The following MAN2A1 variants were observed in gnomAD, a reference collection of about 807,000 sequenced individuals.
MAN2A1 encodes mannosidase alpha class 2A member 1, also known as alpha-mannosidase 2.
In MAN2A1, 76 loss-of-function variants were observed where a neutral mutation model predicts 142.6. That is an observed-to-expected ratio of 0.53 (90% confidence interval 0.44 to 0.65). The LOEUF is 0.65. MAN2A1 is among the 30% of genes least tolerant of loss of function. The pLI, the probability that MAN2A1 is intolerant of heterozygous loss-of-function variation, is 0.00. For missense variants in MAN2A1, 1,311 were observed against 1,365.1 expected (o/e 0.96, Z 0.62); for synonymous variants, 559 against 473.2 (o/e 1.18, Z -2.35).
Position 109,716,135 on chromosome 5 carries a change from A to G in MAN2A1, c.406A>G (p.Ser136Gly), listed in dbSNP as rs747680862. 10 of 1,604,522 alleles carry G rather than the reference A, an allele frequency of 6.2e-6. No homozygotes were observed. The highest frequency in any genetic ancestry group is 3.4e-5 in the Admixed American group (2 of 58,710). ...ACATTTTTAGATGTTGGATGTTTAC[A>G]GTCTAATTTCTTTTGACAATCCAGA... ...NSDVQMLDVY[S>G]LISFDNPDGG... is the part of the protein sequence containing the mutation. The change falls in exon 3 of 22, where the codon AGT (serine) becomes GGT (glycine). Residue 136 changes from serine (S) to glycine (G), a missense_variant. Physicochemically the swap from Ser to Gly is moderately conservative, Grantham distance 56. Around this residue, in one of 3 missense-constraint regions of MAN2A1, gnomAD observed 409 missense variants for 412.7 expected, o/e 0.99. Coordinates refer to ENST00000261483, the MANE Select transcript of MAN2A1 (RefSeq NM_002372.4).
chr5:109,860,994 T>A (rs1471030762), intron 20 of MAN2A1, among the ~76,000 whole-genome samples: 1 of 152,194 alleles, frequency 6.6e-6, no homozygotes, highest in Non-Finnish European at 1.5e-5. Flanking sequence ...CCTGGCTAGG[T>A]ATCTATGAGC....
chr5:109,695,312 A>T (rs1007306109), intron 1 of MAN2A1, among the ~76,000 whole-genome samples: 3 of 152,164 alleles, frequency 2.0e-5, no homozygotes, highest in African/African-American at 7.2e-5. Context: ...AGATGTCACA[A>T]TTGTATTATT....
In MAN2A1 at chr5:109,690,406, C is replaced by G; in HGVS notation, c.-12C>G. On this transcript the variant is annotated 5_prime_UTR_variant, in exon 1 of 22. Transcript: ENST00000261483. ...TGAGGAGAGTGTCCTGGCCCCGAGT[C>G]TATCGAGGAAAATGAAGTTAAGCCG... is the stretch of plus-strand genomic sequence containing the variant. 6.2e-7 allele frequency: 1 copy of G among 1,613,988 alleles called. No individual in the cohort carries two copies. Among genetic ancestry groups the G allele is most frequent in the Non-Finnish European group, 8.5e-7 (1 of 1,179,850 alleles).
At chr5:109,760,650 C>T (rs1349010467) in intron 5 of MAN2A1, among the ~76,000 whole-genome samples, 1 of 152,100 alleles carries the variant, frequency 6.6e-6, no homozygotes, top group East Asian at 1.9e-4. Context: ...GTTGTTTCCT[C>T]ACTTTTTAAT....
chr5:109,752,478 A>G (rs1033154159), intron 4 of MAN2A1, among the ~76,000 whole-genome samples: 10 of 152,228 alleles, frequency 6.6e-5, no homozygotes, highest in Non-Finnish European at 1.3e-4. Flanking sequence ...ATTCTAGTCC[A>G]TGCTCTCTTG....
intron 16 of MAN2A1, among the ~76,000 whole-genome samples, chr5:109,832,989 G>C (rs947871301): frequency 2.6e-5 from 4 of 151,806 alleles, no homozygotes; most frequent in African/African-American, 4.8e-5. Flanking sequence ...TCAGTTCCCA[G>C]ATGGGGTCAC....
At chr5:109,833,877 T>G (rs1447079721) in intron 16 of MAN2A1, among the ~76,000 whole-genome samples, 1 of 152,210 alleles carries the variant, frequency 6.6e-6, no homozygotes, top group Non-Finnish European at 1.5e-5. Flanking sequence ...TCAATTTTGG[T>G]GAAAGCAAGC....
chr5:109,845,785 G>T (rs1168036919), intron 17 of MAN2A1, 80 bp from the exon 18 acceptor site: 11 of 1,120,188 alleles, frequency 9.8e-6, no homozygotes, highest in East Asian at 2.7e-5. Context: ...CTCTTGGGAA[G>T]AAAAATCACC....
chr5:109,739,349 G>A (rs1417870822), intron 4 of MAN2A1, among the ~76,000 whole-genome samples: 4 of 151,954 alleles, frequency 2.6e-5, no homozygotes, highest in African/African-American at 9.7e-5. Flanking sequence ...TAGCTTATGT[G>A]TTCTGTACTT....
At chr5:109,774,020 G>T (rs1449274805) in intron 7 of MAN2A1, among the ~76,000 whole-genome samples, 2 of 152,080 alleles carry the variant, frequency 1.3e-5, no homozygotes, top group Admixed American at 6.6e-5. Flanking sequence ...CCCTAATTCA[G>T]TGATTTCCAA....
intron 16 of MAN2A1, chr5:109,840,460 A>C: frequency 2.1e-6 from 1 of 479,740 alleles, no homozygotes; most frequent in Non-Finnish European, 4.2e-6. Context: ...TGCTGCAACC[A>C]CTGAAGTCAT....
At chr5:109,746,982 T>C (rs1752426252) in intron 4 of MAN2A1, among the ~76,000 whole-genome samples, 1 of 152,248 alleles carries the variant, frequency 6.6e-6, no homozygotes, top group African/African-American at 2.4e-5. Flanking sequence ...CCCCTGTATG[T>C]ATTGAAAGTA....
At chr5:109,693,989 C>T (rs1248158764) in intron 1 of MAN2A1, among the ~76,000 whole-genome samples, 1 of 152,168 alleles carries the variant, frequency 6.6e-6, no homozygotes. Flanking sequence ...GTTAAGGTCT[C>T]CCTGAAATTA....
chr5:109,782,673 T>G lies in MAN2A1; in HGVS notation c.1577+1075T>G, dbSNP rs1753493088. The stretch of plus-strand genomic sequence containing the variant: ...AAGAGTTGTATTTTTATATGGTAGT[T>G]TTTTATTGTTAATATTGTGCTGCTA... On this transcript the variant is annotated intron_variant, in intron 9 of 21. Coordinates refer to ENST00000261483, the MANE Select transcript of MAN2A1 (RefSeq NM_002372.4). 2.0e-5 allele frequency among the ~76,000 whole-genome samples: 3 copies of G among 152,112 alleles called. No individual in the cohort carries two copies. In the South Asian group the frequency reaches 6.2e-4, roughly 31 times the overall value.
chr5:109,822,501 C>G (rs1437309727), intron 15 of MAN2A1, among the ~76,000 whole-genome samples: 1 of 151,844 alleles, frequency 6.6e-6, no homozygotes, highest in African/African-American at 2.4e-5. Flanking sequence ...TCTAGTGCAT[C>G]AGAAAAAGGC....
At chr5:109,691,585 AT>A (rs201844079) in intron 1 of MAN2A1, among the ~76,000 whole-genome samples, 1 of 151,990 alleles carries the variant, frequency 6.6e-6, no homozygotes, top group Non-Finnish European at 1.5e-5. Flanking sequence ...TATCCTTGCC[AT>A]TTTTTTTGTG....
chr5:109,823,614 G>A (rs540283845), intron 15 of MAN2A1, 109 bp from the exon 16 acceptor site: 50 of 619,072 alleles, frequency 8.1e-5, no homozygotes, highest in Admixed American at 4.3e-4. Context: ...ACTTAAAATT[G>A]CAAATATCAG....
At chr5:109,745,820 T>G (rs1242291517) in intron 4 of MAN2A1, among the ~76,000 whole-genome samples, 3 of 152,136 alleles carry the variant, frequency 2.0e-5, no homozygotes, top group African/African-American at 7.2e-5. Context: ...TTTACTATAT[T>G]TCACAGGCTG....
At chr5:109,839,748 G>A (rs1755152185) in intron 16 of MAN2A1, among the ~76,000 whole-genome samples, 1 of 150,704 alleles carries the variant, frequency 6.6e-6, no homozygotes, top group Non-Finnish European at 1.5e-5. Flanking sequence ...ACTGAAGTTA[G>A]CTCCATTCAA....
Sources: allele counts gnomAD v4.1 joint callset (sites outside exome capture counted in the v4.1 genomes callset), GRCh38; gene constraint gnomAD v4.1.1; regional missense constraint gnomAD v4.1.1; transcripts MANE v1.5; gene names NCBI Gene and HGNC (gene_info 2026-07-23, HGNC 2026-07-21).